Variants in DRG1 observed in about 807,000 individuals in gnomAD.
DRG1 encodes the protein developmentally regulated GTP binding protein 1.
Under a neutral mutation model 38.8 loss-of-function variants are expected in DRG1, and 19 were observed. That is an observed-to-expected ratio of 0.49 (90% CI 0.34 to 0.72). DRG1 has a LOEUF of 0.72. DRG1 is among the 30% of genes least tolerant of loss of function. DRG1 has a pLI of 0.01. For missense variants in DRG1, 299 were observed against 444.8 expected (o/e 0.67, Z 2.95); for synonymous variants, 167 against 157.5 (o/e 1.06, Z -0.45).
rs536741290 is a variant in DRG1, at chr22:31,432,134, T to C, written c.1005-1738T>C. The stretch of plus-strand genomic sequence containing the variant: ...TGTTGCCGCCCAGGCTGGAGTCCAG[T>C]GGCGTAATCGTGGTTCACTGCAGCC... On this transcript the variant is annotated intron_variant, in intron 8 of 8. Coordinates refer to ENST00000331457, the MANE Select transcript of DRG1 (RefSeq NM_004147.4). Among the ~76,000 whole-genome samples the C allele has an allele frequency of 9.2e-4, 140 of 151,842 alleles. No individual in the cohort carries two copies. The Middle Eastern group carries it at 0.01, about 11-fold the overall frequency.
Position 31,434,189 on chromosome 22 carries a change from T to A in DRG1, c.*218T>A, listed in dbSNP as rs940347169. 11 of 509,374 alleles carry A rather than the reference T, an allele frequency of 2.2e-5. No homozygotes were observed. The highest frequency in any genetic ancestry group is 3.9e-5 in the Non-Finnish European group (11 of 279,616). The allele number at this position is 509,374 out of a possible 1,614,324, so 31.6% of individuals were successfully genotyped here. ...GGTAGGCTGGTCAGCTACATGCAGC[T>A]CATGTGTCATTGTCAGAATTTGTTT... On this transcript the variant is annotated 3_prime_UTR_variant, in exon 9 of 9. Transcript: ENST00000331457.
At chr22:31,428,368 C>A (rs561800567) in intron 8 of DRG1, among the ~76,000 whole-genome samples, 12 of 151,986 alleles carry the variant, frequency 7.9e-5, no homozygotes, top group Non-Finnish European at 1.5e-4. Context: ...CCCGCCACCA[C>A]GCCCGGCTAA....
chr22:31,402,244 A>C (rs536688214), intron 2 of DRG1, among the ~76,000 whole-genome samples: 2 of 152,266 alleles, frequency 1.3e-5, no homozygotes, highest in East Asian at 3.9e-4. Flanking sequence ...CACCTGGTAG[A>C]GAAGGGCCAC....
intron 3 of DRG1, among the ~76,000 whole-genome samples, chr22:31,403,464 T>G (rs2049973569): frequency 6.6e-6 from 1 of 151,318 alleles, no homozygotes; most frequent in South Asian, 2.1e-4. Context: ...GGTCGGGAGT[T>G]CGAGACCAGC....
chr22:31,431,235 C>T (rs2050137744), intron 8 of DRG1, among the ~76,000 whole-genome samples: 1 of 151,840 alleles, frequency 6.6e-6, no homozygotes, highest in Admixed American at 6.6e-5. Flanking sequence ...GGGGTTTCAC[C>T]ATGTTAGCCA....
At chr22:31,401,447 C>T (rs1224964425) in intron 2 of DRG1, among the ~76,000 whole-genome samples, 2 of 151,842 alleles carry the variant, frequency 1.3e-5, no homozygotes, top group African/African-American at 2.4e-5. Context: ...GGCATGGTGG[C>T]GCATGCCTGT....
intron 8 of DRG1, among the ~76,000 whole-genome samples, chr22:31,433,296 G>C (rs1024076643): frequency 7.3e-6 from 1 of 136,240 alleles, no homozygotes; most frequent in African/African-American, 2.8e-5. Flanking sequence ...TTTTGAGGCG[G>C]AGTTTCGCTC....
intron 6 of DRG1, among the ~76,000 whole-genome samples, chr22:31,424,499 T>C (rs1190712155): frequency 7.3e-6 from 1 of 136,246 alleles, no homozygotes; most frequent in Non-Finnish European, 1.6e-5. Flanking sequence ...TTTTTTTTTT[T>C]TTTTTTTTTT....
intron 4 of DRG1, among the ~76,000 whole-genome samples, chr22:31,418,535 G>A (rs111514949): frequency 2.4e-4 from 36 of 152,064 alleles, no homozygotes; most frequent in African/African-American, 7.5e-4. Flanking sequence ...CTGAGATGGC[G>A]CTCTGTTGCC....
chr22:31,399,715 T>C lies in DRG1; in HGVS notation c.32T>C (p.Ile11Thr). The C allele has an allele frequency of 1.2e-6, 2 of 1,613,954 alleles. No homozygotes were observed. Among genetic ancestry groups the C allele is most frequent in the Non-Finnish European group, 1.7e-6 (2 of 1,179,856 alleles). The change falls in exon 1 of 9, where the codon ATA (isoleucine) becomes ACA (threonine). Residue 11 changes from isoleucine (I) to threonine (T), a missense_variant. Ile to Thr is a moderately conservative substitution (Grantham distance 89). Around this residue, in one of 3 missense-constraint regions of DRG1, gnomAD observed 51 missense variants for 56.1 expected, o/e 0.91. Transcript: ENST00000331457. ...AGCACCTTAGCTAAGATCGCGGAGATAGAAGCAGAGGTAATGGACGCAGCT... is the reference window on the plus strand; with the variant it reads ...AGCACCTTAGCTAAGATCGCGGAGACAGAAGCAGAGGTAATGGACGCAGCT... MSSTLAKIAE[I>T]EAEMARTQKN...
chr22:31,423,170 TA>T, intron 5 of DRG1, 109 bp from the exon 6 acceptor site: 1 of 1,336,096 alleles, frequency 7.5e-7, no homozygotes, highest in East Asian at 2.3e-5. Context: ...ATGTATTTAG[TA>T]ATGAGTTTGC....
intron 3 of DRG1, among the ~76,000 whole-genome samples, chr22:31,408,780 T>C (rs906333945): frequency 6.7e-6 from 1 of 149,302 alleles, no homozygotes; most frequent in Non-Finnish European, 1.5e-5. Context: ...AAAAAAGATA[T>C]TTTAAGTGAT....
intron 4 of DRG1, among the ~76,000 whole-genome samples, chr22:31,417,731 A>G (rs1569048661): frequency 1.3e-5 from 2 of 151,390 alleles, no homozygotes; most frequent in African/African-American, 2.4e-5. Flanking sequence ...TGGTACATGC[A>G]TGTAATCCCA....
At chr22:31,412,444 G>A (rs554769211) in intron 4 of DRG1, among the ~76,000 whole-genome samples, 4 of 143,636 alleles carry the variant, frequency 2.8e-5, no homozygotes, top group Admixed American at 2.2e-4. Context: ...TCCGCCTCCC[G>A]GGCTCATGCC....
intron 3 of DRG1, among the ~76,000 whole-genome samples, chr22:31,407,281 G>T (rs1289077067): frequency 6.6e-6 from 1 of 151,924 alleles, no homozygotes; most frequent in Non-Finnish European, 1.5e-5. Flanking sequence ...TCAAACTTTT[G>T]CCTGCTCATT....
chr22:31,400,824 A>G, intron 2 of DRG1, 81 bp downstream of exon 2: 6 of 1,492,962 alleles, frequency 4.0e-6, no homozygotes, highest in South Asian at 1.2e-5. Context: ...AAAAATAACT[A>G]AAGATGGCCC....
At position 31,412,210 on chromosome 22, in the gene DRG1, C is replaced by T. The variant is rs958276923; in HGVS notation, c.412+1129C>T. 4.0e-5 allele frequency among the ~76,000 whole-genome samples: 6 copies of T among 150,080 alleles called. No homozygotes were observed. In the East Asian group the frequency reaches 6.1e-4, roughly 15 times the overall value. On this transcript the variant is annotated intron_variant, in intron 4 of 8. Coordinates refer to ENST00000331457, the MANE Select transcript of DRG1 (RefSeq NM_004147.4). Reference sequence around the variant, plus strand: ...TTGGGAGGCTGAGGCAGGAGAATGGCGTGAACCCGGGAGGTGGAGCTTGCA... The same window carrying T: ...TTGGGAGGCTGAGGCAGGAGAATGGTGTGAACCCGGGAGGTGGAGCTTGCA...
intron 8 of DRG1, among the ~76,000 whole-genome samples, chr22:31,433,585 A>G (rs887468001): frequency 6.6e-6 from 1 of 152,142 alleles, no homozygotes; most frequent in East Asian, 1.9e-4. Flanking sequence ...GTATTTCTCT[A>G]TAACAAATCC....
chr22:31,424,580 C>T (rs1166054975), intron 6 of DRG1, among the ~76,000 whole-genome samples: 1 of 144,276 alleles, frequency 6.9e-6, no homozygotes, highest in African/African-American at 2.5e-5. Flanking sequence ...CTCACTGCAA[C>T]CTCCACCTCC....
Sources: gnomAD v4.1 joint callset for allele counts (sites outside exome capture counted in the v4.1 genomes callset) on GRCh38, gnomAD v4.1.1 for gene constraint, gnomAD v4.1.1 regional missense constraint, MANE v1.5 for transcripts, NCBI Gene and HGNC (gene_info 2026-07-23, HGNC 2026-07-21) for gene names.